Variants in UNC13C observed in about 807,000 individuals in gnomAD.
UNC13C encodes the protein protein unc-13 homolog C.
A neutral mutation model predicts 245.4 loss-of-function variants in UNC13C; 174 were observed. That is an observed-to-expected ratio of 0.71 (90% CI 0.63 to 0.80). The LOEUF is 0.80. Among genes scored for constraint, UNC13C ranks in the 30% least tolerant of loss-of-function variants. The pLI, the probability that UNC13C is intolerant of heterozygous loss-of-function variation, is 0.00. For missense variants in UNC13C, 2,829 were observed against 2,602.9 expected, an observed-to-expected ratio of 1.09 and a Z score of -1.89; for synonymous variants, 992 against 895.1, an observed-to-expected ratio of 1.11 and a Z score of -1.93.
chr15:54,429,059 CAATGAAATGA>C (rs2040814409), intron 19 of UNC13C, among the ~76,000 whole-genome samples: 1 of 151,588 alleles, frequency 6.6e-6, no homozygotes, highest in South Asian at 2.1e-4. Flanking sequence ...GATTTTGTAG[CAATGAAATGA>C]AACAGTGCTC....
chr15:53,921,875 T>C, the UNC13C span, among the ~76,000 whole-genome samples: 2 of 152,218 alleles, frequency 1.3e-5, no homozygotes, highest in Non-Finnish European at 2.9e-5. Context: ...TTCATTTAAA[T>C]GGGGTTTTTA....
At chr15:53,840,555 T>C in the UNC13C span, among the ~76,000 whole-genome samples, 1 of 152,104 alleles carries the variant, frequency 6.6e-6, no homozygotes, top group African/African-American at 2.4e-5. Flanking sequence ...ATTAAGCACC[T>C]GAGGTGAAGC....
intron 19 of UNC13C, among the ~76,000 whole-genome samples, chr15:54,444,389 T>A (rs542356048): frequency 6.6e-6 from 1 of 151,784 alleles, no homozygotes; most frequent in South Asian, 2.1e-4. Context: ...GTCTTTTCCA[T>A]TCCTTTACTT....
chr15:54,067,766 AC>A (rs2141091548), intron 2 of UNC13C, among the ~76,000 whole-genome samples: 1 of 152,300 alleles, frequency 6.6e-6, no homozygotes, highest in Admixed American at 6.5e-5. Flanking sequence ...TGACACCTCT[AC>A]TTTTTCCTGA....
the UNC13C span, among the ~76,000 whole-genome samples, chr15:53,844,308 A>G: frequency 6.6e-6 from 1 of 152,198 alleles, no homozygotes; most frequent in Admixed American, 6.5e-5. Context: ...TGTTAAAGAG[A>G]AACAGAGTCC....
At chr15:54,357,931 A>G (rs562506644) in intron 17 of UNC13C, among the ~76,000 whole-genome samples, 3 of 152,206 alleles carry the variant, frequency 2.0e-5, no homozygotes, top group African/African-American at 7.2e-5. Context: ...ATTATTATCA[A>G]AAGCCCAAAA....
At chr15:53,899,471 C>G in the UNC13C span, among the ~76,000 whole-genome samples, 3 of 152,238 alleles carry the variant, frequency 2.0e-5, no homozygotes, top group African/African-American at 7.2e-5. Context: ...AAAAGAATTA[C>G]ATTCCAAACT....
At chr15:54,210,269 C>T (rs1188496724) in intron 4 of UNC13C, among the ~76,000 whole-genome samples, 1 of 148,288 alleles carries the variant, frequency 6.7e-6, no homozygotes, top group Non-Finnish European at 1.5e-5. Flanking sequence ...CTAACAAAAC[C>T]AGTGTTAATT....
At chr15:54,061,585 CATA>C (rs1312389228) in intron 2 of UNC13C, among the ~76,000 whole-genome samples, 1 of 152,082 alleles carries the variant, frequency 6.6e-6, no homozygotes, top group Non-Finnish European at 1.5e-5. Flanking sequence ...CCCTTGTCAG[CATA>C]ATGGTACAGC....
At chr15:53,943,962 A>G in the UNC13C span, among the ~76,000 whole-genome samples, 1 of 152,064 alleles carries the variant, frequency 6.6e-6, no homozygotes, top group Non-Finnish European at 1.5e-5. Context: ...TAATGTTTAC[A>G]TGATATATCT....
At chr15:54,082,979 T>C (rs1005804979) in intron 2 of UNC13C, among the ~76,000 whole-genome samples, 2 of 151,932 alleles carry the variant, frequency 1.3e-5, no homozygotes, top group Non-Finnish European at 2.9e-5. Context: ...AGGGAGCACA[T>C]CTTGTGTACT....
the UNC13C span, among the ~76,000 whole-genome samples, chr15:53,916,489 C>T: frequency 6.6e-6 from 1 of 152,068 alleles, no homozygotes; most frequent in African/African-American, 2.4e-5. Context: ...GAGAAACAAA[C>T]CAGAGAGAGA....
chr15:54,374,602 A>AGAAGGGAGGCATTTCTGAGCCTGCAGAG (rs1567223604), intron 17 of UNC13C, among the ~76,000 whole-genome samples: 9 of 152,258 alleles, frequency 5.9e-5, no homozygotes, highest in Non-Finnish European at 1.0e-4. Context: ...AGCCTGCTGA[A>AGAAGGGAGGCATTTCTGAGCCTGCAGAG]GAAGGGAGGC....
intron 4 of UNC13C, among the ~76,000 whole-genome samples, chr15:54,177,562 T>A (rs775414316): frequency 6.6e-6 from 1 of 152,144 alleles, no homozygotes; most frequent in Non-Finnish European, 1.5e-5. Flanking sequence ...AATACCAGAA[T>A]AAAACAAGCA....
chr15:53,870,796 G>C, the UNC13C span, among the ~76,000 whole-genome samples: 2 of 152,204 alleles, frequency 1.3e-5, no homozygotes, highest in South Asian at 4.1e-4. Flanking sequence ...GTTTGGCCAA[G>C]GTCACACAGC....
At chr15:54,362,231 A>G (rs2039249630) in intron 17 of UNC13C, among the ~76,000 whole-genome samples, 1 of 152,206 alleles carries the variant, frequency 6.6e-6, no homozygotes, top group Admixed American at 6.5e-5. Context: ...AGTGGGATGG[A>G]ACTGGAGTTG....
Position 54,178,598 on chromosome 15 carries a change from C to T in UNC13C, c.3071+34914C>T, listed in dbSNP as rs374721025. Among the ~76,000 whole-genome samples, 6 of 152,098 alleles carry T rather than the reference C, an allele frequency of 3.9e-5. No individual in the cohort carries two copies. In the East Asian group the frequency reaches 9.6e-4, roughly 24 times the overall value. The stretch of plus-strand genomic sequence containing the variant: ...GGATAAGCCTTTCCAAGGTGCAAAA[C>T]GGATGCCTGTTGTTTTCGTCCCTGG... On this transcript the variant is annotated intron_variant, in intron 4 of 32. Transcript: ENST00000260323.
intron 2 of UNC13C, among the ~76,000 whole-genome samples, chr15:54,047,203 A>G (rs749106249): frequency 2.0e-5 from 3 of 152,114 alleles, no homozygotes; most frequent in Admixed American, 6.5e-5. Context: ...TCAGGAAAGG[A>G]GTGAGGAGAA....
intron 17 of UNC13C, among the ~76,000 whole-genome samples, chr15:54,369,917 G>T (rs1000915714): frequency 6.6e-6 from 1 of 152,050 alleles, no homozygotes; most frequent in Non-Finnish European, 1.5e-5. Context: ...TCTCTGGTTA[G>T]TTAGGGATCC....
Sources: gnomAD v4.1 joint callset for allele counts (sites outside exome capture counted in the v4.1 genomes callset) on GRCh38, gnomAD v4.1.1 for gene constraint, MANE v1.5 for transcripts, NCBI Gene and HGNC (gene_info 2026-07-23, HGNC 2026-07-21) for gene names.